The following TRMT44 variants were observed in gnomAD, a reference collection of about 807,000 sequenced individuals.
The protein encoded by TRMT44 is probable tRNA (uracil-O(2)-)-methyltransferase.
TRMT44 carries 78 observed loss-of-function variants against 77.3 expected under a neutral mutation model. The observed-to-expected ratio is 1.01, with a 90% CI of 0.84 to 1.22. The LOEUF (loss-of-function observed/expected upper bound fraction) is 1.22, where lower values mean the gene tolerates loss of function less well. Ranked by LOEUF, TRMT44 falls within the 50% of genes most tolerant of loss-of-function variation. The pLI, the probability that TRMT44 is intolerant of heterozygous loss-of-function variation, is 0.00. For missense variants in TRMT44, 1,090 were observed against 964.4 expected, an observed-to-expected ratio of 1.13 and a Z score of -1.73; for synonymous variants, 391 against 383.3, an observed-to-expected ratio of 1.02 and a Z score of -0.23.
downstream of TRMT44, chr4:8,479,370 G>A (rs1050915676): frequency 3.3e-4 from 50 of 152,008 alleles, no homozygotes; most frequent in African/African-American, 1.0e-3. Context: ...GCGTTGTTAG[G>A]TGATTTCATC....
chr4:8,464,628 A>G (rs1726399985), intron 7 of TRMT44, among the ~76,000 whole-genome samples: 1 of 152,150 alleles, frequency 6.6e-6, no homozygotes, highest in Non-Finnish European at 1.5e-5. Flanking sequence ...ATTCTCAAGG[A>G]GTAACTAGGT....
rs367552135 is a variant in TRMT44 at position 8,468,236 on chromosome 4, G to A, written c.1817G>A (p.Arg606Gln). The stretch of plus-strand genomic sequence containing the variant: ...GTGAGGAACTGTGCCGCCCTGCCAC[G>A]AGATTTTATTGACCAAGTGGTTTTG... ...ERVRNCAALPRDFIDQVVLQV... is the reference protein window; with the variant it reads ...ERVRNCAALPQDFIDQVVLQV... Residue 606 changes from arginine to glutamine, a missense_variant, in exon 9 of 11, where the codon CGA (arginine) becomes CAA (glutamine). By Grantham distance (43) the Arg-to-Gln change is conservative (BLOSUM62 1). Transcript: ENST00000389737. 4.3e-6 allele frequency: 7 copies of A among 1,614,242 alleles called. No homozygotes were observed. The highest frequency in any genetic ancestry group is 3.3e-5 in the South Asian group (3 of 91,086).
chr4:8,509,452 T>G, the TRMT44 span: 1 of 152,618 alleles, frequency 6.6e-6, no homozygotes, highest in African/African-American at 2.4e-5. Context: ...CGATTGGAGG[T>G]GCTTCCTAAG....
the TRMT44 span, among the ~76,000 whole-genome samples, chr4:8,505,462 G>A: frequency 6.6e-6 from 1 of 152,198 alleles, no homozygotes; most frequent in East Asian, 1.9e-4. Context: ...TCTGCAAGAC[G>A]TGGTAGGGTG....
chr4:8,474,638 C>A (rs1042670650), intron 10 of TRMT44, among the ~76,000 whole-genome samples: 3 of 152,384 alleles, frequency 2.0e-5, no homozygotes, highest in African/African-American at 7.2e-5. Context: ...CTTTCAAGTT[C>A]TCTTTGGAAG....
chr4:8,447,695 G>C (rs1228250144), intron 2 of TRMT44, among the ~76,000 whole-genome samples: 1 of 152,212 alleles, frequency 6.6e-6, no homozygotes, highest in Admixed American at 6.5e-5. Context: ...AGGCCCTGTA[G>C]CATGAAGCCC....
rs570078819 is a variant in TRMT44, at chr4:8,456,203, C to T, written c.1203+1390C>T. 8.5e-5 allele frequency among the ~76,000 whole-genome samples: 13 copies of T among 152,346 alleles called. No individual in the cohort carries two copies. The South Asian group carries it at 2.7e-3, about 32-fold the overall frequency. ...ATTTCCTGGTCACTGCTCGTTCCTA[C>T]TGCAGTGAGCCCAAGTGTTTCAAGT... On this transcript the variant is annotated intron_variant, in intron 6 of 10. Transcript: ENST00000389737.
At chr4:8,458,459 C>CTTTTTTTTTTTTTTTTTTTTTTTTT (rs1156752172) in intron 6 of TRMT44, among the ~76,000 whole-genome samples, 1 of 142,730 alleles carries the variant, frequency 7.0e-6, no homozygotes, top group Non-Finnish European at 1.5e-5. Context: ...ATTTTCTTTT[C>CTTTTTTTTTTTTTTTTTTTTTTTTT]TTTTCTTTTT....
the TRMT44 span, among the ~76,000 whole-genome samples, chr4:8,503,784 C>T: frequency 1.3e-5 from 2 of 152,240 alleles, no homozygotes; most frequent in African/African-American, 4.8e-5. Flanking sequence ...GTCCCCGCAT[C>T]TCTGGCTGTT....
Position 8,441,358 on chromosome 4 carries a change from T to C in TRMT44, c.536T>C (p.Leu179Pro). The part of the protein sequence containing the change: ...AGSQPEAQRE[L>P]DVVLRTVIPK... Reference sequence around the variant, plus strand: ...TCGCAGCCAGAGGCGCAGCGTGAGCTCGACGTGGTTCTCAGAACCGTCATC... The same window carrying C: ...TCGCAGCCAGAGGCGCAGCGTGAGCCCGACGTGGTTCTCAGAACCGTCATC... Residue 179 changes from leucine to proline, a missense_variant, in exon 1 of 11, where the codon CTC becomes CCC. Transcript: ENST00000389737. 1 of 1,534,828 alleles carries C rather than the reference T, an allele frequency of 6.5e-7. No individual in the cohort carries two copies. Among genetic ancestry groups the C allele is most frequent in the Non-Finnish European group, 8.7e-7 (1 of 1,146,170 alleles).
chr4:8,466,411 G>A (rs2109157388), intron 8 of TRMT44, among the ~76,000 whole-genome samples: 1 of 152,338 alleles, frequency 6.6e-6, no homozygotes, highest in African/African-American at 2.4e-5. Context: ...ACAGGATGAT[G>A]TCTTCAGAGC....
At chr4:8,484,765 T>C (rs1727750769) in intron 2 of TRMT44, among the ~76,000 whole-genome samples, 1 of 152,152 alleles carries the variant, frequency 6.6e-6, no homozygotes, top group African/African-American at 2.4e-5. Context: ...ATAATGGTTT[T>C]GTTAGGATGG....
rs769401976 is a variant in TRMT44 at position 8,468,340 on chromosome 4, G to A, written c.1921G>A (p.Gly641Arg). The A allele has an allele frequency of 5.6e-6, 9 of 1,613,896 alleles. No homozygotes were observed. In the Admixed American group the frequency reaches 1.2e-4, roughly 21 times the overall value. The change falls in exon 9 of 11, where the codon GGG (glycine) becomes AGG (arginine). Residue 641 changes from glycine to arginine, a missense_variant. Physicochemically the swap from Gly to Arg is moderately radical, Grantham distance 125 (BLOSUM62 -2). Transcript: ENST00000389737. Reference protein sequence around the residue: ...SRNGSLKTWNGGESLSLAEVA... With the variant: ...SRNGSLKTWNRGESLSLAEVA... Reference sequence around the variant, plus strand: ...AAATGGGAGTTTGAAGACCTGGAATGGGGGAGGTAAGCTGTCCACCATCTT... The same window carrying A: ...AAATGGGAGTTTGAAGACCTGGAATAGGGGAGGTAAGCTGTCCACCATCTT...
rs750517100 is a variant in TRMT44 at position 8,476,030 on chromosome 4, T to C, written c.*29T>C. ...GCATCCTTGCCAGCCGAGGCCTGGT[T>C]GGGGAGGCCAAACCAAGGAGAGCTT... On this transcript the variant is annotated 3_prime_UTR_variant, in exon 11 of 11. Transcript: ENST00000389737. 1.1e-5 allele frequency: 17 copies of C among 1,605,346 alleles called. No homozygotes were observed. The highest frequency in any genetic ancestry group is 1.7e-4 in the Middle Eastern group (1 of 6,040).
chr4:8,501,303 C>T, the TRMT44 span, among the ~76,000 whole-genome samples: 2 of 152,132 alleles, frequency 1.3e-5, no homozygotes, highest in African/African-American at 4.8e-5. The surrounding 1 kb of genome is among the most constrained non-coding windows in gnomAD (Gnocchi z 4.4). Context: ...AGACCCCACC[C>T]CCAGTTGGCC....
intron 6 of TRMT44, 90 bp from the exon 7 acceptor site, chr4:8,463,895 C>T: frequency 9.2e-7 from 1 of 1,092,080 alleles, no homozygotes; most frequent in African/African-American, 1.5e-5. Flanking sequence ...TGTGTGACTC[C>T]AGAGCCTGTA....
At chr4:8,480,928 T>C (rs1462659109), downstream of TRMT44, among the ~76,000 whole-genome samples, 1 of 152,244 alleles carries the variant, frequency 6.6e-6, no homozygotes, top group African/African-American at 2.4e-5. Flanking sequence ...GAAATGACCC[T>C]ACAAAGCTGT....
At chr4:8,495,524 T>TA (rs1033761158), downstream of TRMT44, among the ~76,000 whole-genome samples, 7 of 152,284 alleles carry the variant, frequency 4.6e-5, no homozygotes, top group East Asian at 1.9e-4. Flanking sequence ...TCCATTTCAG[T>TA]AAAAAAAGTG....
intron 7 of TRMT44, 123 bp from the exon 8 acceptor site, chr4:8,465,255 T>C (rs747661301): frequency 1.2e-5 from 11 of 888,230 alleles, no homozygotes; most frequent in Non-Finnish European, 1.9e-5. Flanking sequence ...GAAACAATAT[T>C]GGCCAGGAAC....
Sources: allele counts gnomAD v4.1 joint callset (sites outside exome capture counted in the v4.1 genomes callset), GRCh38; gene constraint gnomAD v4.1.1; non-coding constraint Gnocchi (gnomAD v3.1); transcripts MANE v1.5; gene names NCBI Gene and HGNC (gene_info 2026-07-23, HGNC 2026-07-21).